CYTH3: variants seen among roughly 807,000 people sequenced by gnomAD.
CYTH3 encodes the protein cytohesin-3.
CYTH3 carries 23 observed loss-of-function variants against 55.1 expected under a neutral mutation model. The ratio of observed to expected loss-of-function variants is 0.42; its 90% CI spans 0.30 to 0.59. The LOEUF (loss-of-function observed/expected upper bound fraction) is 0.59. Among genes scored for constraint, CYTH3 ranks in the 20% least tolerant of loss-of-function variants. The probability of loss-of-function intolerance (pLI) is 0.20; values close to 1 mark genes in which losing one functional copy is unlikely to be tolerated. For synonymous variants in CYTH3, 249 were observed against 194.9 expected (o/e 1.28, Z -2.31); for missense variants, 413 against 524.8 (o/e 0.79, Z 2.08).
chr7:6,207,890 C>T (rs997017504), intron 1 of CYTH3, among the ~76,000 whole-genome samples: 5 of 147,786 alleles, frequency 3.4e-5, no homozygotes, highest in Non-Finnish European at 5.9e-5. Context: ...GCGGAGGTTG[C>T]AATGAGCCGA....
chr7:6,217,599 T>G (rs1784455593), intron 1 of CYTH3, among the ~76,000 whole-genome samples: 1 of 152,166 alleles, frequency 6.6e-6, no homozygotes, highest in South Asian at 2.1e-4. Context: ...ACAATTATAG[T>G]CAGAGAATTC....
intron 1 of CYTH3, among the ~76,000 whole-genome samples, chr7:6,193,227 A>C (rs189223106): frequency 6.6e-6 from 1 of 152,250 alleles, no homozygotes; most frequent in Non-Finnish European, 1.5e-5. Flanking sequence ...CCAAAAAATT[A>C]ATATGAATGG....
chr7:6,191,522 G>A (rs1279631371), intron 1 of CYTH3, among the ~76,000 whole-genome samples: 1 of 151,734 alleles, frequency 6.6e-6, no homozygotes, highest in Non-Finnish European at 1.5e-5. Flanking sequence ...AATGTGAAGG[G>A]GAAACGCTAC....
intron 1 of CYTH3, among the ~76,000 whole-genome samples, chr7:6,232,767 C>A (rs548571122): frequency 2.6e-5 from 4 of 152,278 alleles, no homozygotes; most frequent in African/African-American, 9.6e-5. Flanking sequence ...GGGCGTGGCT[C>A]TCTGTACTTC....
chr7:6,240,510 T>C (rs1240094724), intron 1 of CYTH3, among the ~76,000 whole-genome samples: 1 of 152,110 alleles, frequency 6.6e-6, no homozygotes, highest in African/African-American at 2.4e-5. Flanking sequence ...GGCATCTGAA[T>C]AGACAGAATG....
At chr7:6,218,593 T>C (rs913212595) in intron 1 of CYTH3, among the ~76,000 whole-genome samples, 13 of 152,136 alleles carry the variant, frequency 8.5e-5, no homozygotes, top group African/African-American at 2.7e-4. Flanking sequence ...CTATAACAAA[T>C]ACCTAAAAAT....
In CYTH3 at chr7:6,170,455, G is replaced by A; in HGVS notation, c.823+80C>T. The A allele has an allele frequency of 3.7e-6, 5 of 1,333,624 alleles. No homozygotes were observed. Among genetic ancestry groups the A allele is most frequent in the Non-Finnish European group, 5.2e-6 (5 of 959,418 alleles). 82.6% of individuals were successfully genotyped at this position (1,333,624 alleles called of 1,614,324 possible). On this transcript the variant is annotated intron_variant, in intron 9 of 12. Transcript: ENST00000350796. The surrounding 1 kb of genome is among the most constrained non-coding windows in gnomAD (Gnocchi z 7.8). ...TGCCTGCGGTGGGGGGCATTCCTAC[G>A]ATGAGCCTGGGAGGAACCCGAGGGG... is the stretch of plus-strand genomic sequence containing the variant.
chr7:6,187,523 G>A (rs1783685523), intron 3 of CYTH3, 134 bp downstream of exon 3: 2 of 782,866 alleles, frequency 2.6e-6, no homozygotes, highest in South Asian at 3.0e-5. Flanking sequence ...AGTAGGGGGA[G>A]AGGAGAGGAA....
At position 6,167,434 on chromosome 7, in the gene CYTH3, C is replaced by T. The variant is rs1384180136; in HGVS notation, c.824-1624G>A. On this transcript the variant is annotated intron_variant, in intron 9 of 12. Transcript: ENST00000350796. The surrounding 1 kb of genome is among the most constrained non-coding windows in gnomAD (Gnocchi z 5.5). ...TGGCAGAATCAGCTGACAGCAACTC[C>T]ACTACCCTGACATCCGTCACTGTCA... 6.6e-6 allele frequency among the ~76,000 whole-genome samples: 1 copy of T among 152,224 alleles called. No individual in the cohort carries two copies. The highest frequency in any genetic ancestry group is 1.5e-5 in the Non-Finnish European group (1 of 68,034).
intron 1 of CYTH3, among the ~76,000 whole-genome samples, chr7:6,236,451 C>T (rs944990135): frequency 6.6e-6 from 1 of 151,658 alleles, no homozygotes; most frequent in African/African-American, 2.4e-5. Flanking sequence ...CTCAAGGAAT[C>T]CTCCCAACTT....
rs925280998 is a variant in CYTH3 at position 6,205,275 on chromosome 7, T to A, written c.35-14744A>T. Among the ~76,000 whole-genome samples, 5 of 151,976 alleles carry A rather than the reference T, an allele frequency of 3.3e-5. No homozygotes were observed. In the South Asian group the frequency reaches 8.3e-4, roughly 25 times the overall value. On this transcript the variant is annotated intron_variant, in intron 1 of 12. Transcript: ENST00000350796. The stretch of plus-strand genomic sequence containing the variant: ...TCAAAGATAACAACGTAATGTAAAT[T>A]AGAAAATACCAACAAAGGCCAGGCA...
At chr7:6,186,628 T>A (rs891193214) in intron 4 of CYTH3, among the ~76,000 whole-genome samples, 3 of 152,138 alleles carry the variant, frequency 2.0e-5, no homozygotes, top group Non-Finnish European at 4.4e-5. Flanking sequence ...CCACCCAGAT[T>A]ATAAAGTCCG....
chr7:6,224,562 C>T (rs950737962), intron 1 of CYTH3, among the ~76,000 whole-genome samples: 2 of 152,168 alleles, frequency 1.3e-5, no homozygotes, highest in African/African-American at 4.8e-5. Flanking sequence ...AACATACTAA[C>T]AAGTGTTGGC....
At chr7:6,239,164 T>A (rs1481137245) in intron 1 of CYTH3, among the ~76,000 whole-genome samples, 1 of 152,150 alleles carries the variant, frequency 6.6e-6, no homozygotes, top group Non-Finnish European at 1.5e-5. Flanking sequence ...AGTGAGGCTA[T>A]GATCGCACCA....
intron 6 of CYTH3, 133 bp downstream of exon 6, chr7:6,173,520 G>T: frequency 1.4e-6 from 1 of 695,496 alleles, no homozygotes; most frequent in East Asian, 2.5e-5. Context: ...TGGATCATCC[G>T]GAAAAGGAGC....
At chr7:6,265,329 T>A (rs1046826242) in intron 1 of CYTH3, among the ~76,000 whole-genome samples, 1 of 151,590 alleles carries the variant, frequency 6.6e-6, no homozygotes, top group Non-Finnish European at 1.5e-5. Flanking sequence ...AAAAAAAAGC[T>A]TGGCTGGGCG....
At position 6,170,813 on chromosome 7, in the gene CYTH3, C is replaced by T. The variant is rs568763724; in HGVS notation, c.711+17G>A. 8 of 1,602,784 alleles carry T rather than the reference C, an allele frequency of 5.0e-6. No individual in the cohort carries two copies. The highest frequency in any genetic ancestry group is 2.2e-5 in the East Asian group (1 of 44,494). On this transcript the variant is annotated intron_variant, in intron 8 of 12. Transcript: ENST00000350796. This position sits in a 1 kb window ranked among gnomAD's most constrained non-coding sequence, Gnocchi z 7.8. The stretch of plus-strand genomic sequence containing the variant: ...GAGATCCTGCAGACGGCAGCGGCCG[C>T]GGGCCGGGGAGCTCACCCTCAGCAG...
chr7:6,202,675 T>C (rs934663440), intron 1 of CYTH3, among the ~76,000 whole-genome samples: 3 of 151,956 alleles, frequency 2.0e-5, no homozygotes, highest in Non-Finnish European at 2.9e-5. Context: ...GTTAGGCTCA[T>C]CTCAAACTCC....
At chr7:6,223,470 T>G (rs541468030) in intron 1 of CYTH3, among the ~76,000 whole-genome samples, 1 of 152,332 alleles carries the variant, frequency 6.6e-6, no homozygotes, top group Non-Finnish European at 1.5e-5. Flanking sequence ...ATAGGAGACA[T>G]CATTTTGTTC....
Sources: allele counts gnomAD v4.1 joint callset (sites outside exome capture counted in the v4.1 genomes callset), GRCh38; gene constraint gnomAD v4.1.1; non-coding constraint Gnocchi (gnomAD v3.1); transcripts MANE v1.5; gene names NCBI Gene and HGNC (gene_info 2026-07-23, HGNC 2026-07-21).